The following FOSL2 variants were observed in gnomAD, a reference collection of about 807,000 sequenced individuals.
FOSL2 encodes fos-related antigen 2.
FOSL2 carries 3 observed loss-of-function variants against 27.7 expected under a neutral mutation model. The observed-to-expected ratio is 0.11, with a 90% CI of 0.05 to 0.28. The LOEUF (loss-of-function observed/expected upper bound fraction) is 0.28, where lower values mean the gene tolerates loss of function less well. FOSL2 is among the 10% of genes least tolerant of loss of function. FOSL2 has a pLI of 1.00. For synonymous variants in FOSL2, 179 were observed against 190.1 expected, an observed-to-expected ratio of 0.94 and a Z score of 0.48; for missense variants, 333 against 445.1, an observed-to-expected ratio of 0.75 and a Z score of 2.27.
At chr2:28,395,100 A>AGT (rs1309923637) in intron 1 of FOSL2, among the ~76,000 whole-genome samples, 1 of 152,218 alleles carries the variant, frequency 6.6e-6, no homozygotes, top group Non-Finnish European at 1.5e-5. Context: ...AAGCACCCAC[A>AGT]GTAGAGACAG....
chr2:28,403,622 C>T (rs1041915640), intron 1 of FOSL2, among the ~76,000 whole-genome samples: 3 of 152,152 alleles, frequency 2.0e-5, no homozygotes, highest in South Asian at 2.1e-4. Flanking sequence ...ACAGTATGCT[C>T]CCTTGGTGAT....
chr2:28,400,904 G>A (rs550936120), intron 1 of FOSL2, among the ~76,000 whole-genome samples: 2 of 152,266 alleles, frequency 1.3e-5, no homozygotes, highest in East Asian at 1.9e-4. Flanking sequence ...AGCCTAAAAC[G>A]GGAGCACTTT....
At chr2:28,406,055 T>C (rs200266115) in intron 2 of FOSL2, among the ~76,000 whole-genome samples, 70,752 of 148,008 alleles carry the variant, frequency 0.48, 18,203 homozygotes, top group African/African-American at 0.66. Context: ...TTTTTTTTTT[T>C]TTTTTTTTTT....
chr2:28,409,453 G>A (rs1268164765), intron 3 of FOSL2, among the ~76,000 whole-genome samples: 3 of 152,190 alleles, frequency 2.0e-5, no homozygotes, highest in South Asian at 2.1e-4. Flanking sequence ...ATGGTACCGC[G>A]TGCTGCTCTT....
chr2:28,407,709 C>T (rs758276226), intron 2 of FOSL2, among the ~76,000 whole-genome samples: 4 of 152,224 alleles, frequency 2.6e-5, no homozygotes, highest in Non-Finnish European at 4.4e-5. Flanking sequence ...GTGCAGTCAA[C>T]GTCTGATAAC....
rs187408185 is a variant in FOSL2 at position 28,394,151 on chromosome 2, A to T, written c.102+329A>T. 4.1e-4 allele frequency among the ~76,000 whole-genome samples: 25 copies of T among 61,088 alleles called. 1 individual carries two copies. Among genetic ancestry groups the T allele is most frequent in the African/African-American group, 1.6e-3 (24 of 14,698 alleles). 40.1% of individuals were successfully genotyped at this position (61,088 alleles called of 152,430 possible). A position where few individuals can be genotyped will look rare whatever the true frequency, so the allele number is the denominator to read the frequency against. ...CCCCAGTGTCTGCCCCCCCCCCCCC[A>T]CCCCTGCCCCGCGTCTTCTCTCTGG... On this transcript the variant is annotated intron_variant, in intron 1 of 3. Coordinates refer to ENST00000264716, the MANE Select transcript of FOSL2 (RefSeq NM_005253.4).
chr2:28,393,103 C>A lies in FOSL2; in HGVS notation c.-618C>A, dbSNP rs909048148. On this transcript the variant is annotated 5_prime_UTR_variant, in exon 1 of 4. Coordinates refer to ENST00000264716, the MANE Select transcript of FOSL2 (RefSeq NM_005253.4). The surrounding 1 kb of genome is among the most constrained non-coding windows in gnomAD (Gnocchi z 4.6). Reference sequence around the variant, plus strand: ...CTACTTGAGCCCCACGAGCCGCTGTCCCCCTGGCGCGCTCGGGGCCGCGGG... The same window carrying A: ...CTACTTGAGCCCCACGAGCCGCTGTACCCCTGGCGCGCTCGGGGCCGCGGG... The A allele has an allele frequency of 7.7e-6, 3 of 387,122 alleles. No homozygotes were observed. The highest frequency in any genetic ancestry group is 2.1e-5 in the African/African-American group (1 of 46,734). 24.0% of individuals were successfully genotyped at this position (387,122 alleles called of 1,614,324 possible). A position where few individuals can be genotyped will look rare whatever the true frequency, so the allele number is the denominator to read the frequency against.
intron 1 of FOSL2, among the ~76,000 whole-genome samples, chr2:28,394,137 G>GCCCCCC (rs55662920): frequency 1.2e-5 from 1 of 80,862 alleles, no homozygotes; most frequent in African/African-American, 4.9e-5. Context: ...CCCAGTGTCT[G>GCCCCCC]CCCCCCCCCC....
intron 3 of FOSL2, among the ~76,000 whole-genome samples, chr2:28,410,178 C>T (rs929351844): frequency 3.9e-5 from 6 of 152,352 alleles, no homozygotes; most frequent in Non-Finnish European, 5.9e-5. Context: ...TAATGGCCCT[C>T]GGAGGTGTTA....
intron 1 of FOSL2, among the ~76,000 whole-genome samples, chr2:28,398,375 G>C (rs765424261): frequency 6.6e-6 from 1 of 152,148 alleles, no homozygotes; most frequent in Non-Finnish European, 1.5e-5. Context: ...CTGTCCCGTG[G>C]CAGTGAGACT....
At chr2:28,405,067 G>A (rs923525801) in intron 2 of FOSL2, among the ~76,000 whole-genome samples, 1 of 152,076 alleles carries the variant, frequency 6.6e-6, no homozygotes, top group East Asian at 1.9e-4. Flanking sequence ...AGAAAATGGG[G>A]AAGGGGGGGC....
At position 28,408,885 on chromosome 2, in the gene FOSL2, G is replaced by T. The variant is rs369276702; in HGVS notation, c.462+19G>T. 1.3e-6 allele frequency: 2 copies of T among 1,572,188 alleles called. No individual in the cohort carries two copies. Among genetic ancestry groups the T allele is most frequent in the East Asian group, 2.3e-5 (1 of 43,180 alleles). ...GCAGGCGGTGAGGAACTCTGCGTAG[G>T]GTGGGAGCACCTCTGGGTGGGCTGG... On this transcript the variant is annotated intron_variant, in intron 3 of 3. Transcript: ENST00000264716. The surrounding 1 kb of genome is among the most constrained non-coding windows in gnomAD (Gnocchi z 4.1).
chr2:28,402,247 C>G (rs1333251923), intron 1 of FOSL2, among the ~76,000 whole-genome samples: 1 of 152,208 alleles, frequency 6.6e-6, no homozygotes, highest in Non-Finnish European at 1.5e-5. Flanking sequence ...CCTCCCAAAC[C>G]CCAGAATCCA....
At chr2:28,407,620 G>A (rs1558568810) in intron 2 of FOSL2, among the ~76,000 whole-genome samples, 1 of 152,220 alleles carries the variant, frequency 6.6e-6, no homozygotes, top group Non-Finnish European at 1.5e-5. Context: ...GCCCCCAGGT[G>A]TCCCGTGAGA....
chr2:28,405,341 A>T (rs947928677), intron 2 of FOSL2, among the ~76,000 whole-genome samples: 1 of 152,194 alleles, frequency 6.6e-6, no homozygotes, highest in Non-Finnish European at 1.5e-5. Flanking sequence ...TGGACCCCCT[A>T]TGCAGTATTC....
intron 1 of FOSL2, among the ~76,000 whole-genome samples, chr2:28,394,237 A>G (rs566954872): frequency 1.1e-4 from 16 of 142,200 alleles, no homozygotes; most frequent in African/African-American, 3.6e-4. Context: ...CTGGGACCCT[A>G]TTCCTTCAGG....
At chr2:28,411,388 G>GCA (rs1664195198) in intron 3 of FOSL2, among the ~76,000 whole-genome samples, 1 of 152,086 alleles carries the variant, frequency 6.6e-6, no homozygotes, top group African/African-American at 2.4e-5. Flanking sequence ...GGGTAGAGCT[G>GCA]TGTTCCGTAC....
In FOSL2 at chr2:28,404,988, G is replaced by A. The variant is rs528203281; in HGVS notation, c.354+630G>A. ...CAGGAGGATGAGGCAGGGGAGGCCA[G>A]ACATCAGCCCTTTTCTCTTCAAGGG... On this transcript the variant is annotated intron_variant, in intron 2 of 3. Transcript: ENST00000264716. This position sits in a 1 kb window ranked among gnomAD's most constrained non-coding sequence, Gnocchi z 4.7. 1.2e-4 allele frequency among the ~76,000 whole-genome samples: 19 copies of A among 152,314 alleles called. No homozygotes were observed. Among genetic ancestry groups the A allele is most frequent in the African/African-American group, 4.6e-4 (19 of 41,572 alleles).
chr2:28,403,691 C>T (rs1035231084), intron 1 of FOSL2, among the ~76,000 whole-genome samples: 1 of 152,138 alleles, frequency 6.6e-6, no homozygotes, highest in African/African-American at 2.4e-5. Context: ...GAGCTGGTAC[C>T]CTGAGAAACA....
Sources: gnomAD v4.1 joint callset for allele counts (sites outside exome capture counted in the v4.1 genomes callset) on GRCh38, gnomAD v4.1.1 for gene constraint, Gnocchi (gnomAD v3.1) non-coding constraint, MANE v1.5 for transcripts, NCBI Gene and HGNC (gene_info 2026-07-23, HGNC 2026-07-21) for gene names.